Variants in CRB1 observed in about 807,000 individuals in gnomAD.
CRB1 encodes protein crumbs homolog 1.
Under a neutral mutation model 120.0 loss-of-function variants are expected in CRB1, and 83 were observed. That is an observed-to-expected ratio of 0.69 (90% confidence interval 0.58 to 0.83). The LOEUF (loss-of-function observed/expected upper bound fraction) is 0.83. Among genes scored for constraint, CRB1 ranks in the 40% least tolerant of loss-of-function variants. CRB1 has a pLI of 0.00. For missense variants in CRB1, 1,699 were observed against 1,687.6 expected (o/e 1.01, Z -0.12); for synonymous variants, 625 against 612.5 (o/e 1.02, Z -0.30).
At chr1:197,329,369 C>A (rs1185056546) in intron 2 of CRB1, among the ~76,000 whole-genome samples, 1 of 152,170 alleles carries the variant, frequency 6.6e-6, no homozygotes, top group East Asian at 1.9e-4. Flanking sequence ...GGCACTGCAA[C>A]CTTCTGGGAA....
At chr1:197,362,418 G>T (rs1404278044) in intron 5 of CRB1, among the ~76,000 whole-genome samples, 1 of 152,058 alleles carries the variant, frequency 6.6e-6, no homozygotes, top group Non-Finnish European at 1.5e-5. Flanking sequence ...TATCCTTACT[G>T]ATACAGAATA....
chr1:197,420,254 A>G (rs866223833), intron 5 of CRB1, among the ~76,000 whole-genome samples: 4 of 152,336 alleles, frequency 2.6e-5, no homozygotes, highest in Middle Eastern at 6.8e-3. Context: ...AGCAACAGCC[A>G]CGCTTATTAA....
chr1:197,323,869 C>G (rs1435320368), intron 1 of CRB1, among the ~76,000 whole-genome samples: 1 of 152,100 alleles, frequency 6.6e-6, no homozygotes, highest in Non-Finnish European at 1.5e-5. Context: ...CTTTGATTCT[C>G]ATGGGGATGC....
chr1:197,212,922 C>T, the CRB1 span, among the ~76,000 whole-genome samples: 2 of 151,872 alleles, frequency 1.3e-5, no homozygotes, highest in African/African-American at 2.4e-5. Flanking sequence ...ATCCAGCAAA[C>T]GGGAATGGAT....
chr1:197,407,648 C>T (rs951546068), intron 5 of CRB1, among the ~76,000 whole-genome samples: 3 of 152,050 alleles, frequency 2.0e-5, no homozygotes, highest in African/African-American at 7.2e-5. Context: ...TATCTGAGCC[C>T]GATCTTGATT....
chr1:197,418,882 AT>A (rs771562753), intron 5 of CRB1, among the ~76,000 whole-genome samples: 8 of 152,146 alleles, frequency 5.3e-5, no homozygotes, highest in Non-Finnish European at 1.2e-4. Flanking sequence ...GTCCAAGTAA[AT>A]TTCTCATATA....
chr1:197,285,028 A>G (rs1382256505), intron 1 of CRB1, among the ~76,000 whole-genome samples: 1 of 151,864 alleles, frequency 6.6e-6, no homozygotes, highest in Non-Finnish European at 1.5e-5. Context: ...ATATTGAGGG[A>G]TGATGGCAAG....
chr1:197,361,897 T>G (rs1465722559), intron 5 of CRB1, among the ~76,000 whole-genome samples: 2 of 151,954 alleles, frequency 1.3e-5, no homozygotes, highest in Non-Finnish European at 2.9e-5. Flanking sequence ...AAATTTATTT[T>G]TATTTTTCTA....
intron 4 of CRB1, among the ~76,000 whole-genome samples, chr1:197,350,613 C>A (rs1177547291): frequency 6.6e-6 from 1 of 152,150 alleles, no homozygotes; most frequent in African/African-American, 2.4e-5. Flanking sequence ...TCCAAGGAGC[C>A]TAAATTCTAG....
the CRB1 span, among the ~76,000 whole-genome samples, chr1:197,246,863 CT>C: frequency 1.3e-5 from 2 of 152,050 alleles, no homozygotes. Context: ...AAAATATTTA[CT>C]GTCTGAGCCT....
the CRB1 span, among the ~76,000 whole-genome samples, chr1:197,212,620 T>C: frequency 2.0e-5 from 3 of 152,138 alleles, no homozygotes; most frequent in African/African-American, 7.2e-5. Context: ...GTAGGGGAAG[T>C]GTGATAAATT....
intron 5 of CRB1, among the ~76,000 whole-genome samples, chr1:197,414,832 G>A (rs1329988245): frequency 6.6e-6 from 1 of 152,048 alleles, no homozygotes; most frequent in East Asian, 1.9e-4. Flanking sequence ...AGTTTTCTGG[G>A]TTCATCAAAT....
At chr1:197,246,141 T>G in the CRB1 span, among the ~76,000 whole-genome samples, 1 of 152,012 alleles carries the variant, frequency 6.6e-6, no homozygotes, top group Non-Finnish European at 1.5e-5. Context: ...AGGTACCTAC[T>G]CAATCTCTGT....
the CRB1 span, among the ~76,000 whole-genome samples, chr1:197,215,849 A>G: frequency 5.9e-5 from 9 of 152,200 alleles, no homozygotes; most frequent in African/African-American, 2.2e-4. Flanking sequence ...AACTTTTCCC[A>G]TTAATCCAGT....
intron 5 of CRB1, among the ~76,000 whole-genome samples, chr1:197,363,135 GT>G (rs34995320): frequency 0.6 from 87,260 of 146,020 alleles, 26,304 homozygotes; most frequent in South Asian, 0.74. Flanking sequence ...TTCTATTTAG[GT>G]TTTTTTTTTT....
chr1:197,328,139 T>A (rs1488866295), intron 1 of CRB1, among the ~76,000 whole-genome samples: 1 of 152,226 alleles, frequency 6.6e-6, no homozygotes, highest in Non-Finnish European at 1.5e-5. Flanking sequence ...CTCTGGGAAC[T>A]AAATTTCAAT....
At chr1:197,208,526 T>A in the CRB1 span, among the ~76,000 whole-genome samples, 7 of 152,202 alleles carry the variant, frequency 4.6e-5, no homozygotes, top group African/African-American at 1.7e-4. Flanking sequence ...GCTACCAGGC[T>A]CCAGAAGTGT....
intron 1 of CRB1, among the ~76,000 whole-genome samples, chr1:197,283,839 TTTAG>T (rs1470270154): frequency 6.6e-6 from 1 of 151,566 alleles, no homozygotes; most frequent in East Asian, 1.9e-4. Flanking sequence ...TTAAAAATAA[TTTAG>T]TTATTCAAAC....
At chr1:197,466,979 T>C (rs1476806742) in intron 11 of CRB1, among the ~76,000 whole-genome samples, 1 of 152,180 alleles carries the variant, frequency 6.6e-6, no homozygotes, top group African/African-American at 2.4e-5. Flanking sequence ...AACTAACATG[T>C]GATGTGATCC....
Sources: allele counts gnomAD v4.1 joint callset (sites outside exome capture counted in the v4.1 genomes callset), GRCh38; gene constraint gnomAD v4.1.1; transcripts MANE v1.5; gene names NCBI Gene and HGNC (gene_info 2026-07-23, HGNC 2026-07-21).